The following DPF3 variants were observed in gnomAD, a reference collection of about 807,000 sequenced individuals.
The protein encoded by DPF3 is double PHD fingers 3, also known as zinc finger protein DPF3.
In DPF3, 18 loss-of-function variants were observed where a neutral mutation model predicts 56.8. The observed-to-expected ratio is 0.32, with a 90% CI of 0.22 to 0.47. The LOEUF is 0.47. Among genes scored for constraint, DPF3 ranks in the 20% least tolerant of loss-of-function variants. DPF3 has a pLI of 1.00. For synonymous variants in DPF3, 188 were observed against 180.2 expected (o/e 1.04, Z -0.35); for missense variants, 403 against 488.8 (o/e 0.82, Z 1.65).
chr14:72,834,709 G>T (rs1884214573), intron 1 of DPF3, among the ~76,000 whole-genome samples: 1 of 152,048 alleles, frequency 6.6e-6, no homozygotes, highest in Non-Finnish European at 1.5e-5. Context: ...ATACCCAAAA[G>T]AATTGAAAGC....
intron 1 of DPF3, chr14:72,879,815 T>C (rs994026934): frequency 3.3e-6 from 5 of 1,535,394 alleles, no homozygotes; most frequent in East Asian, 4.9e-5. Flanking sequence ...CTAGAGCCCA[T>C]GGGCCTCCAG....
chr14:72,723,524 A>G (rs992555081), intron 5 of DPF3, 109 bp downstream of exon 5: 2 of 959,930 alleles, frequency 2.1e-6, no homozygotes, highest in South Asian at 1.8e-5. Flanking sequence ...AGCGTTCTCC[A>G]TGTAAGACCA....
chr14:72,831,375 A>T (rs546704174), intron 1 of DPF3, among the ~76,000 whole-genome samples: 2 of 151,596 alleles, frequency 1.3e-5, no homozygotes, highest in South Asian at 2.1e-4. Context: ...AAAAACACAC[A>T]CTCCTTGTTA....
chr14:72,707,357 G>A (rs1454031597), intron 6 of DPF3, among the ~76,000 whole-genome samples: 1 of 152,088 alleles, frequency 6.6e-6, no homozygotes, highest in East Asian at 1.9e-4. Flanking sequence ...TGGGATGGCT[G>A]GGTCAAATGG....
chr14:72,821,021 C>G lies in DPF3; in HGVS notation c.33-49128G>C, dbSNP rs540940741. Among the ~76,000 whole-genome samples the G allele has an allele frequency of 1.5e-4, 23 of 151,942 alleles. 1 individual carries two copies. Among genetic ancestry groups the G allele is most frequent in the Admixed American group, 1.4e-3 (21 of 15,240 alleles). On this transcript the variant is annotated intron_variant, in intron 1 of 10. Coordinates refer to ENST00000556509, the MANE Select transcript of DPF3 (RefSeq NM_001280542.3). The stretch of plus-strand genomic sequence containing the variant: ...GTGGCACATATGTTTGTAATCCCAG[C>G]TGCTTGGGAGGCTGAGGCATGAAAA...
chr14:72,623,486 A>G (rs1020988188), intron 9 of DPF3, among the ~76,000 whole-genome samples: 4 of 151,620 alleles, frequency 2.6e-5, no homozygotes, highest in South Asian at 2.1e-4. Flanking sequence ...CTGCATATAT[A>G]TGTGTGTGTG....
At chr14:72,648,402 A>G (rs1363348859) in intron 8 of DPF3, among the ~76,000 whole-genome samples, 3 of 151,876 alleles carry the variant, frequency 2.0e-5, no homozygotes, top group Admixed American at 2.0e-4. Context: ...TCTCCACTAA[A>G]AATACAAAAT....
chr14:72,856,931 C>T (rs1283942090), intron 1 of DPF3, among the ~76,000 whole-genome samples: 1 of 152,174 alleles, frequency 6.6e-6, no homozygotes, highest in African/African-American at 2.4e-5. Context: ...CGGGAAGTGC[C>T]AGCCATCCTG....
chr14:72,836,088 C>T (rs1884282464), intron 1 of DPF3: 2 of 985,404 alleles, frequency 2.0e-6, no homozygotes, highest in African/African-American at 1.7e-5. Flanking sequence ...ACTTACATGG[C>T]CTCCAGGTCT....
intron 2 of DPF3, among the ~76,000 whole-genome samples, chr14:72,755,982 A>C (rs1162022993): frequency 6.6e-6 from 1 of 152,078 alleles, no homozygotes; most frequent in Admixed American, 6.6e-5. Context: ...AACTCAAAGC[A>C]TGTGTGTGTG....
chr14:72,672,500 A>C (rs1397066276), intron 8 of DPF3, among the ~76,000 whole-genome samples: 1 of 152,194 alleles, frequency 6.6e-6, no homozygotes, highest in Non-Finnish European at 1.5e-5. Flanking sequence ...CAACTATTTC[A>C]GGAACATTAG....
intron 1 of DPF3, among the ~76,000 whole-genome samples, chr14:72,775,808 A>C (rs1891722006): frequency 6.6e-6 from 1 of 152,204 alleles, no homozygotes; most frequent in Non-Finnish European, 1.5e-5. Context: ...AGAGGAGAAA[A>C]GAGATTTCAT....
At chr14:72,694,774 C>T (rs1193734458) in intron 6 of DPF3, among the ~76,000 whole-genome samples, 1 of 152,186 alleles carries the variant, frequency 6.6e-6, no homozygotes, top group Non-Finnish European at 1.5e-5. Context: ...AACGATGTAT[C>T]TGGCTAATTT....
At chr14:72,852,167 A>C (rs1885009845) in intron 1 of DPF3, among the ~76,000 whole-genome samples, 2 of 152,332 alleles carry the variant, frequency 1.3e-5, no homozygotes, top group African/African-American at 4.8e-5. Context: ...AACCTGCAGA[A>C]GCCGGGCAGG....
chr14:72,618,379 C>T lies in DPF3; in HGVS notation c.*918G>A, dbSNP rs976239832. Among the ~76,000 whole-genome samples, 4 of 152,232 alleles carry T rather than the reference C, an allele frequency of 2.6e-5. No individual in the cohort carries two copies. Among genetic ancestry groups the T allele is most frequent in the African/African-American group, 9.6e-5 (4 of 41,452 alleles). The stretch of plus-strand genomic sequence containing the variant: ...CGGACACATGATTGGGCAGCCTTCG[C>T]TCCCCTTCCTGGTTCTTCAGTCCCA... On this transcript the variant is annotated 3_prime_UTR_variant, in exon 11 of 11. Coordinates refer to ENST00000556509, the MANE Select transcript of DPF3 (RefSeq NM_001280542.3).
At chr14:72,859,933 C>T (rs1450272875) in intron 1 of DPF3, among the ~76,000 whole-genome samples, 1 of 149,326 alleles carries the variant, frequency 6.7e-6, no homozygotes, top group East Asian at 2.0e-4. Context: ...TACCACCCAA[C>T]TACCCATCCC....
At chr14:72,808,788 G>C (rs1882903978) in intron 1 of DPF3, among the ~76,000 whole-genome samples, 1 of 152,182 alleles carries the variant, frequency 6.6e-6, no homozygotes, top group Non-Finnish European at 1.5e-5. Context: ...ACCAGCCAAA[G>C]GTCTCCGGGC....
chr14:72,648,900 C>T (rs1402941465), intron 8 of DPF3, among the ~76,000 whole-genome samples: 1 of 152,132 alleles, frequency 6.6e-6, no homozygotes, highest in African/African-American at 2.4e-5. Flanking sequence ...AATTTCTCTG[C>T]TCCTTCTTCT....
chr14:72,662,587 ATCT>A (rs1450647100), intron 8 of DPF3: 18 of 985,122 alleles, frequency 1.8e-5, no homozygotes, highest in South Asian at 9.4e-5. Flanking sequence ...GAAAAAAAAA[ATCT>A]TCTTATTGCA....
Sources: gnomAD v4.1 joint callset for allele counts (sites outside exome capture counted in the v4.1 genomes callset) on GRCh38, gnomAD v4.1.1 for gene constraint, MANE v1.5 for transcripts, NCBI Gene and HGNC (gene_info 2026-07-23, HGNC 2026-07-21) for gene names.